Variants in ME2 observed in about 807,000 individuals in gnomAD.
The protein encoded by ME2 is malic enzyme 2.
In ME2, 60 loss-of-function variants were observed where a neutral mutation model predicts 73.7. That is an observed-to-expected ratio of 0.81 (90% CI 0.66 to 1.01). The LOEUF (loss-of-function observed/expected upper bound fraction) is 1.01. Among genes scored for constraint, ME2 ranks in the 50% least tolerant of loss-of-function variants. ME2 has a pLI of 0.00. For synonymous variants in ME2, 199 were observed against 236.9 expected (o/e 0.84, Z 1.47); for missense variants, 594 against 705.5 (o/e 0.84, Z 1.79).
chr18:50,896,069 T>C (rs970945103), intron 2 of ME2, 141 bp downstream of exon 2: 4 of 602,840 alleles, frequency 6.6e-6, no homozygotes, highest in Non-Finnish European at 1.1e-5. Flanking sequence ...ATTTTCACGC[T>C]TCTCCACATG....
chr18:50,939,942 GTAT>G (rs371073171), intron 14 of ME2: 2 of 423,852 alleles, frequency 4.7e-6, no homozygotes, highest in African/African-American at 2.0e-5. Flanking sequence ...ACAAGTACTG[GTAT>G]TATTTGGAGT....
intron 4 of ME2, among the ~76,000 whole-genome samples, chr18:50,914,200 C>G (rs1333062324): frequency 6.6e-6 from 1 of 152,152 alleles, no homozygotes; most frequent in African/African-American, 2.4e-5. Flanking sequence ...TGCAGGTGTT[C>G]CCTGGAAGAC....
chr18:50,942,892 T>C (rs1450354937), intron 15 of ME2, among the ~76,000 whole-genome samples: 1 of 152,160 alleles, frequency 6.6e-6, no homozygotes, highest in Admixed American at 6.5e-5. Context: ...ATATGCATAG[T>C]CCGTTTTTCT....
intron 10 of ME2, among the ~76,000 whole-genome samples, chr18:50,922,759 C>G (rs1317025945): frequency 6.6e-6 from 1 of 152,136 alleles, no homozygotes; most frequent in Admixed American, 6.5e-5. Context: ...TCCAGTGTCT[C>G]CTGGTGATCC....
At chr18:50,943,741 T>G (rs1186314919) in intron 15 of ME2, among the ~76,000 whole-genome samples, 1 of 152,034 alleles carries the variant, frequency 6.6e-6, no homozygotes, top group Non-Finnish European at 1.5e-5. Context: ...GGAAGAAAAT[T>G]TGAAAGTTAT....
At chr18:50,884,363 T>C (rs955229308) in intron 1 of ME2, among the ~76,000 whole-genome samples, 4 of 152,222 alleles carry the variant, frequency 2.6e-5, no homozygotes, top group African/African-American at 7.2e-5. Flanking sequence ...TATTTGTTTA[T>C]TTTGAGACAG....
intron 2 of ME2, among the ~76,000 whole-genome samples, chr18:50,899,475 A>G (rs1034098481): frequency 6.6e-6 from 1 of 152,060 alleles, no homozygotes; most frequent in Admixed American, 6.5e-5. Flanking sequence ...AAATTAGCCA[A>G]GCACTGTGGT....
At chr18:50,917,996 AG>A in intron 6 of ME2, 113 bp from the exon 7 acceptor site, 1 of 571,902 alleles carries the variant, frequency 1.7e-6, no homozygotes. Flanking sequence ...AGTTTCTTGT[AG>A]GGCAATACAT....
At position 50,920,530 on chromosome 18, in the gene ME2, G is replaced by A. The variant is rs201924704; in HGVS notation, c.809G>A (p.Arg270Gln). 24 of 1,596,866 alleles carry A rather than the reference G, an allele frequency of 1.5e-5. No homozygotes were observed. The highest frequency in any genetic ancestry group is 3.7e-5 in the Admixed American group (2 of 54,286). Residue 270 changes from arginine (R) to glutamine (Q), a missense_variant, in exon 8 of 16, where the codon CGA becomes CAA. Physicochemically the swap from Arg to Gln is conservative, Grantham distance 43. Transcript: ENST00000321341. ...GCATTCAGGTTCTTGAGAAAGTACC[G>A]AGAAAAATATTGTACTTTCAATGAT... ...HNAFRFLRKY[R>Q]EKYCTFNDDI...
chr18:50,943,446 T>C (rs1241243818), intron 15 of ME2, among the ~76,000 whole-genome samples: 2 of 152,056 alleles, frequency 1.3e-5, no homozygotes, highest in Non-Finnish European at 2.9e-5. Context: ...ACCACAGGCA[T>C]GCACCATCAT....
intron 15 of ME2, among the ~76,000 whole-genome samples, chr18:50,946,715 T>G (rs1448803523): frequency 1.3e-5 from 2 of 152,146 alleles, no homozygotes; most frequent in Non-Finnish European, 2.9e-5. Context: ...TAGGAAATAG[T>G]CTCTGTGCCC....
At chr18:50,912,673 T>C (rs1917184500) in intron 3 of ME2, 128 bp from the exon 4 acceptor site, 2 of 800,060 alleles carry the variant, frequency 2.5e-6, no homozygotes, top group Non-Finnish European at 3.6e-6. Context: ...GTTTTGGGTT[T>C]TTTTTAGAAT....
At chr18:50,922,355 T>C (rs1307924553) in intron 10 of ME2, among the ~76,000 whole-genome samples, 3 of 152,194 alleles carry the variant, frequency 2.0e-5, no homozygotes, top group African/African-American at 7.2e-5. Context: ...GTCATCAGCT[T>C]ATAAGTGACG....
intron 13 of ME2, chr18:50,939,282 A>T: frequency 9.3e-5 from 24 of 259,120 alleles, no homozygotes; most frequent in Admixed American, 2.6e-4. Flanking sequence ...TGGGCTGGGA[A>T]CTGGAGTTAA....
chr18:50,934,350 C>T (rs1917768967), intron 13 of ME2: 1 of 152,074 alleles, frequency 6.6e-6, no homozygotes. Context: ...TAAATATAGA[C>T]ATTAAAAATG....
At chr18:50,891,845 ACT>A (rs201983728) in intron 1 of ME2, among the ~76,000 whole-genome samples, 2,003 of 147,088 alleles carry the variant, frequency 0.014, 24 homozygotes, top group South Asian at 0.044. Flanking sequence ...ATGGGGTCTC[ACT>A]CTGTCATCCA....
intron 12 of ME2, among the ~76,000 whole-genome samples, chr18:50,929,708 CTTT>C (rs570066173): frequency 0.011 from 1,681 of 152,102 alleles, 10 homozygotes; most frequent in Non-Finnish European, 0.018. Flanking sequence ...ACTGTCTTAT[CTTT>C]TTATTACTTT....
At chr18:50,938,279 G>C (rs1917861162) in intron 13 of ME2, among the ~76,000 whole-genome samples, 1 of 152,154 alleles carries the variant, frequency 6.6e-6, no homozygotes, top group Non-Finnish European at 1.5e-5. Flanking sequence ...CAGTGAGCTT[G>C]TGCCACTGTA....
At chr18:50,900,355 C>T (rs1411660372) in intron 2 of ME2, among the ~76,000 whole-genome samples, 5 of 151,528 alleles carry the variant, frequency 3.3e-5, no homozygotes, top group African/African-American at 4.9e-5. Flanking sequence ...AGTGCAGTGG[C>T]GTGATCTCGG....
Sources: allele counts gnomAD v4.1 joint callset (sites outside exome capture counted in the v4.1 genomes callset), GRCh38; gene constraint gnomAD v4.1.1; transcripts MANE v1.5; gene names NCBI Gene and HGNC (gene_info 2026-07-23, HGNC 2026-07-21).